Variants in WWOX observed in about 807,000 individuals in gnomAD.
The protein encoded by WWOX is WW domain-containing oxidoreductase.
WWOX carries 69 observed loss-of-function variants against 46.2 expected under a neutral mutation model. The observed-to-expected ratio is 1.49, with a 90% CI of 1.23 to 1.82. The LOEUF (loss-of-function observed/expected upper bound fraction) is 1.82, where lower values mean the gene tolerates loss of function less well. WWOX is among the 40% of genes most tolerant of loss of function. The pLI is 0.00. For missense variants in WWOX, 919 were observed against 542.6 expected, an observed-to-expected ratio of 1.69 and a Z score of -6.89; for synonymous variants, 359 against 202.6, an observed-to-expected ratio of 1.77 and a Z score of -6.56.
chr16:78,742,273 C>T (rs1418896555), intron 8 of WWOX, among the ~76,000 whole-genome samples: 1 of 152,116 alleles, frequency 6.6e-6, no homozygotes, highest in Non-Finnish European at 1.5e-5. Context: ...GTTTGGAGAC[C>T]ACTCAGGACA....
intron 5 of WWOX, among the ~76,000 whole-genome samples, chr16:78,326,654 G>A (rs1895525028): frequency 7.2e-6 from 1 of 139,286 alleles, no homozygotes; most frequent in Admixed American, 8.4e-5. Flanking sequence ...ATATTTTCTG[G>A]CATACAGCAT....
At chr16:79,040,126 A>G (rs562253374) in intron 8 of WWOX, among the ~76,000 whole-genome samples, 78 of 152,242 alleles carry the variant, frequency 5.1e-4, no homozygotes, top group African/African-American at 1.6e-3. Context: ...ATTGGCTCAC[A>G]TCAGTAATGT....
chr16:79,173,865 G>A (rs920326596), intron 8 of WWOX, among the ~76,000 whole-genome samples: 1 of 152,146 alleles, frequency 6.6e-6, no homozygotes, highest in African/African-American at 2.4e-5. Flanking sequence ...AAAGATGGAT[G>A]GGGGAGAGGA....
chr16:78,936,384 A>G (rs533316687), intron 8 of WWOX, among the ~76,000 whole-genome samples: 67 of 152,160 alleles, frequency 4.4e-4, no homozygotes, highest in Middle Eastern at 3.4e-3. Flanking sequence ...AACTAACCCA[A>G]GCTTTGCATG....
intron 8 of WWOX, among the ~76,000 whole-genome samples, chr16:78,939,933 A>C (rs1246147105): frequency 1.3e-5 from 2 of 152,206 alleles, no homozygotes; most frequent in Non-Finnish European, 2.9e-5. Flanking sequence ...ACCCAATTCG[A>C]CTGCCCCCAC....
chr16:78,728,978 T>C (rs2048899777), intron 8 of WWOX, among the ~76,000 whole-genome samples: 1 of 152,092 alleles, frequency 6.6e-6, no homozygotes, highest in Non-Finnish European at 1.5e-5. Context: ...TGAGAAACGT[T>C]GGCTTTAGTA....
At chr16:78,848,615 G>A (rs1335692202) in intron 8 of WWOX, among the ~76,000 whole-genome samples, 1 of 152,118 alleles carries the variant, frequency 6.6e-6, no homozygotes, top group African/African-American at 2.4e-5. Context: ...GGGAAGGGCA[G>A]GAGTATCTAA....
At chr16:78,685,921 G>T (rs899528425) in intron 8 of WWOX, among the ~76,000 whole-genome samples, 4 of 151,936 alleles carry the variant, frequency 2.6e-5, no homozygotes, top group African/African-American at 9.6e-5. Flanking sequence ...AAAGAAAAAA[G>T]AGAGGTGGGT....
At chr16:79,106,824 T>G (rs2049319822) in intron 8 of WWOX, 1 of 148,212 alleles carries the variant, frequency 6.7e-6, no homozygotes, top group Admixed American at 6.7e-5. Flanking sequence ...TTTTTTTTTT[T>G]TGAGATGGAG....
At chr16:78,428,766 A>T (rs1338030799) in intron 7 of WWOX, among the ~76,000 whole-genome samples, 2 of 152,184 alleles carry the variant, frequency 1.3e-5, no homozygotes, top group African/African-American at 2.4e-5. Flanking sequence ...CCAGCTACTC[A>T]GGAAGCTGAG....
At chr16:78,331,086 T>C (rs4888779) in intron 5 of WWOX, among the ~76,000 whole-genome samples, 15,189 of 152,262 alleles carry the variant, frequency 0.1, 1,020 homozygotes, top group East Asian at 0.28. Context: ...GATTAAAATA[T>C]AGATTTTTTT....
intron 8 of WWOX, among the ~76,000 whole-genome samples, chr16:78,625,303 G>C (rs566446899): frequency 5.9e-5 from 9 of 152,240 alleles, no homozygotes; most frequent in Admixed American, 3.3e-4. Context: ...CCTCACTAAA[G>C]GGGAGGAATC....
At chr16:78,939,196 C>T (rs776293191) in intron 8 of WWOX, among the ~76,000 whole-genome samples, 3 of 152,078 alleles carry the variant, frequency 2.0e-5, no homozygotes, top group Non-Finnish European at 2.9e-5. Flanking sequence ...TAATCATCAA[C>T]GTATATTCAT....
intron 5 of WWOX, among the ~76,000 whole-genome samples, chr16:78,326,314 G>C (rs1354594481): frequency 6.6e-6 from 1 of 152,134 alleles, no homozygotes; most frequent in African/African-American, 2.4e-5. Context: ...AACCTAAATT[G>C]CTAAATTGCA....
intron 5 of WWOX, among the ~76,000 whole-genome samples, chr16:78,206,071 G>C (rs1323767852): frequency 1.3e-5 from 2 of 151,812 alleles, no homozygotes; most frequent in Non-Finnish European, 1.5e-5. Flanking sequence ...ATTAATGGAA[G>C]AAGAGAAGAA....
intron 5 of WWOX, among the ~76,000 whole-genome samples, chr16:78,165,480 A>G (rs1427763321): frequency 6.6e-6 from 1 of 152,180 alleles, no homozygotes; most frequent in Non-Finnish European, 1.5e-5. Context: ...GGGGTCCCCA[A>G]GGAAGAAGTG....
intron 8 of WWOX, among the ~76,000 whole-genome samples, chr16:78,815,859 C>T (rs2051315545): frequency 6.6e-6 from 1 of 152,116 alleles, no homozygotes; most frequent in Non-Finnish European, 1.5e-5. Flanking sequence ...TCTGTCTGCC[C>T]AAATATAAAC....
At chr16:78,323,458 G>A (rs1034903887) in intron 5 of WWOX, among the ~76,000 whole-genome samples, 1 of 151,950 alleles carries the variant, frequency 6.6e-6, no homozygotes, top group African/African-American at 2.4e-5. Flanking sequence ...CTCAGTTAAT[G>A]ATAAATTGTT....
chr16:78,734,841 C>CTTTTTTTTTTTTTTTTTTTT lies in WWOX; in HGVS notation c.1056+302112_1056+302131dup, dbSNP rs60560119. On this transcript the variant is annotated intron_variant, in intron 8 of 8. Coordinates refer to ENST00000566780, the MANE Select transcript of WWOX (RefSeq NM_016373.4). ...GATGACTCAGGTGGGGACTTCAGTCCTTTTTTTTTTTTTTTTTTTTTTTTT... is the reference window on the plus strand; with the variant it reads ...GATGACTCAGGTGGGGACTTCAGTCCTTTTTTTTTTTTTTTTTTTTTTTTTTTTTTTTTTTTTTTTTTTTT... Among the ~76,000 whole-genome samples the CTTTTTTTTTTTTTTTTTTTT allele has an allele frequency of 7.5e-5, 3 of 40,126 alleles. 1 individual carries two copies. Among genetic ancestry groups the CTTTTTTTTTTTTTTTTTTTT allele is most frequent in the Admixed American group, 4.2e-4 (1 of 2,402 alleles). 26.3% of individuals were successfully genotyped at this position (40,126 alleles called of 152,430 possible). A position where few individuals can be genotyped will look rare whatever the true frequency, so the allele number is the denominator to read the frequency against.
Sources: allele counts gnomAD v4.1 joint callset (sites outside exome capture counted in the v4.1 genomes callset), GRCh38; gene constraint gnomAD v4.1.1; transcripts MANE v1.5; gene names NCBI Gene and HGNC (gene_info 2026-07-23, HGNC 2026-07-21).